Variants in CALCRL observed in about 807,000 individuals in gnomAD.
CALCRL encodes the protein calcitonin receptor like receptor, also known as calcitonin gene-related peptide type 1 receptor.
CALCRL carries 27 observed loss-of-function variants against 60.4 expected under a neutral mutation model. The observed-to-expected ratio is 0.45, with a 90% CI of 0.33 to 0.62. CALCRL has a LOEUF of 0.62. Ranked by LOEUF, CALCRL falls within the 20% of genes least tolerant of loss-of-function variation. The pLI, the probability that CALCRL is intolerant of heterozygous loss-of-function variation, is 0.03. For missense variants in CALCRL, 424 were observed against 540.7 expected, an observed-to-expected ratio of 0.78 and a Z score of 2.14; for synonymous variants, 190 against 182.6, an observed-to-expected ratio of 1.04 and a Z score of -0.33.
intron 1 of CALCRL, among the ~76,000 whole-genome samples, chr2:187,414,220 C>T (rs1025914818): frequency 3.3e-5 from 5 of 151,890 alleles, no homozygotes; most frequent in Admixed American, 6.6e-5. Context: ...ATTTGTAGGC[C>T]GGAAGCTTCT....
At chr2:187,422,628 T>C (rs1240697884) in intron 1 of CALCRL, among the ~76,000 whole-genome samples, 1 of 152,072 alleles carries the variant, frequency 6.6e-6, no homozygotes, top group African/African-American at 2.4e-5. Flanking sequence ...AAATTTGAAG[T>C]TCAACACATA....
chr2:187,359,587 C>G (rs544404582), intron 10 of CALCRL, among the ~76,000 whole-genome samples: 1 of 152,126 alleles, frequency 6.6e-6, no homozygotes, highest in South Asian at 2.1e-4. Context: ...AGAAGAAATT[C>G]AGCATTCGTG....
Position 187,380,716 on chromosome 2 carries a change from G to T in CALCRL, c.256C>A (p.Gln86Lys). ...NDVAAGTESM[Q>K]LCPDYFQDFD... Reference sequence around the variant, plus strand: ...TCCTGAAAGTAATCAGGGCAGAGCTGCATTGATTCAGTTCCTGCTGCAACA... The same window carrying T: ...TCCTGAAAGTAATCAGGGCAGAGCTTCATTGATTCAGTTCCTGCTGCAACA... Residue 86 changes from glutamine (Q) to lysine (K), a missense_variant, in exon 6 of 15, where the codon CAG (glutamine) becomes AAG (lysine). Physicochemically the swap from Gln to Lys is moderately conservative, Grantham distance 53 (BLOSUM62 1). Coordinates refer to ENST00000392370, the MANE Select transcript of CALCRL (RefSeq NM_005795.6). The T allele has an allele frequency of 1.9e-6, 3 of 1,614,102 alleles. No homozygotes were observed. The highest frequency in any genetic ancestry group is 2.5e-6 in the Non-Finnish European group (3 of 1,179,974).
At chr2:187,420,753 G>C (rs762003310) in intron 1 of CALCRL, among the ~76,000 whole-genome samples, 1 of 152,022 alleles carries the variant, frequency 6.6e-6, no homozygotes, top group Non-Finnish European at 1.5e-5. Flanking sequence ...GGAAGAAAGA[G>C]TAAATTTTTA....
rs1301466238 is a variant in CALCRL at position 187,357,947 on chromosome 2, AC to A, written c.909+1115del. Among the ~76,000 whole-genome samples the A allele has an allele frequency of 3.0e-4, 45 of 152,208 alleles. No individual in the cohort carries two copies. In the South Asian group the frequency reaches 8.1e-3, roughly 27 times the overall value. On this transcript the variant is annotated intron_variant, in intron 12 of 14. Transcript: ENST00000392370. ...CAGAACTTAAAGTATAACAACAACA[AC>A]AACAAAATGAATAGCAGCTGTAACT...
chr2:187,360,499 A>C, intron 10 of CALCRL, 99 bp downstream of exon 10: 7 of 1,002,492 alleles, frequency 7.0e-6, no homozygotes, highest in Non-Finnish European at 9.9e-6. Context: ...TTCTTTAAAA[A>C]TGATTACTCA....
At chr2:187,383,425 TGGCGCTCTAG>T in intron 4 of CALCRL, 120 bp from the exon 5 acceptor site, 1 of 753,110 alleles carries the variant, frequency 1.3e-6, no homozygotes, top group African/African-American at 1.8e-5. Context: ...GAAGATAAAC[TGGCGCTCTAG>T]GGAAAAAACC....
At chr2:187,424,311 TC>T (rs1255391048) in intron 1 of CALCRL, among the ~76,000 whole-genome samples, 2 of 152,010 alleles carry the variant, frequency 1.3e-5, no homozygotes, top group African/African-American at 4.8e-5. Context: ...TGTTGGGTTT[TC>T]CTTTGTGAGC....
intron 1 of CALCRL, among the ~76,000 whole-genome samples, chr2:187,423,553 CAAGATT>C (rs542510232): frequency 1.2e-4 from 18 of 151,868 alleles, no homozygotes; most frequent in Middle Eastern, 6.8e-3. Flanking sequence ...TAAGGTTTCC[CAAGATT>C]TAGAAAACTT....
At position 187,447,323 on chromosome 2, in the gene CALCRL, T is replaced by C. The variant is rs547973041; in HGVS notation, c.-293+716A>G. ...TCAAGTTGAAGTATTCTCTTAAAGATTTCAAAATTAAGAATTGTTTTAAAA... is the reference window on the plus strand; with the variant it reads ...TCAAGTTGAAGTATTCTCTTAAAGACTTCAAAATTAAGAATTGTTTTAAAA... On this transcript the variant is annotated intron_variant, in intron 1 of 14. Coordinates refer to ENST00000392370, the MANE Select transcript of CALCRL (RefSeq NM_005795.6). Among the ~76,000 whole-genome samples the C allele has an allele frequency of 2.6e-5, 4 of 152,028 alleles. No homozygotes were observed. The South Asian group carries it at 8.3e-4, about 32-fold the overall frequency.
chr2:187,362,977 T>C (rs185801319), intron 9 of CALCRL, among the ~76,000 whole-genome samples: 33 of 152,214 alleles, frequency 2.2e-4, no homozygotes, highest in Non-Finnish European at 3.8e-4. Context: ...TTGCTTTGAG[T>C]TTTTCATTTG....
intron 8 of CALCRL, among the ~76,000 whole-genome samples, chr2:187,377,168 G>A (rs878957476): frequency 6.6e-6 from 1 of 152,036 alleles, no homozygotes; most frequent in Admixed American, 6.6e-5. Context: ...AGCAAAGAAT[G>A]GCAAAATCAG....
chr2:187,407,611 T>G (rs1689191427), intron 1 of CALCRL, among the ~76,000 whole-genome samples: 2 of 152,104 alleles, frequency 1.3e-5, no homozygotes, highest in African/African-American at 4.8e-5. Flanking sequence ...TGACATTGAC[T>G]TTTATATTAC....
chr2:187,382,041 A>G (rs1471513524), intron 5 of CALCRL, among the ~76,000 whole-genome samples: 2 of 152,204 alleles, frequency 1.3e-5, no homozygotes, highest in Non-Finnish European at 2.9e-5. Context: ...CTATTAGAAA[A>G]AAATTTCTTG....
intron 1 of CALCRL, among the ~76,000 whole-genome samples, chr2:187,397,229 CTG>C (rs372946612): frequency 2.6e-5 from 4 of 151,580 alleles, no homozygotes; most frequent in African/African-American, 9.7e-5. Flanking sequence ...GGAAAACTGA[CTG>C]TATTTCAAGG....
intron 12 of CALCRL, among the ~76,000 whole-genome samples, chr2:187,354,210 A>G (rs858749): frequency 0.87 from 131,862 of 151,956 alleles, 57,433 homozygotes; most frequent in African/African-American, 0.91. Flanking sequence ...TAAAGTTTAC[A>G]TAGCTAGTAG....
At position 187,387,507 on chromosome 2, in the gene CALCRL, T is replaced by C. The variant is rs1215769370; in HGVS notation, c.-201-14A>G. 3 of 329,074 alleles carry C rather than the reference T, an allele frequency of 9.1e-6. No individual in the cohort carries two copies. Among genetic ancestry groups the C allele is most frequent in the Admixed American group, 4.8e-5 (1 of 20,694 alleles). The allele number at this position is 329,074 out of a possible 1,614,324, so 20.4% of individuals were successfully genotyped here. A position where few individuals can be genotyped will look rare whatever the true frequency, so the allele number is the denominator to read the frequency against. On this transcript the variant is annotated splice_polypyrimidine_tract_variant and intron_variant, in intron 2 of 14. Transcript: ENST00000392370. ...TTATTAGACGATCTTGAGAAAAATATAACCAAAATACCATGAATCATTGTA... is the reference window on the plus strand; with the variant it reads ...TTATTAGACGATCTTGAGAAAAATACAACCAAAATACCATGAATCATTGTA...
Position 187,343,906 on chromosome 2 carries a change from C to G in CALCRL, c.*2278G>C, listed in dbSNP as rs1410748576. 6 of 151,338 alleles carry G rather than the reference C, an allele frequency of 4.0e-5. No individual in the cohort carries two copies. The highest frequency in any genetic ancestry group is 1.5e-4 in the African/African-American group (6 of 41,318). 9.4% of individuals were successfully genotyped at this position (151,338 alleles called of 1,614,324 possible). A position where few individuals can be genotyped will look rare whatever the true frequency, so the allele number is the denominator to read the frequency against. ...CCTCAAGACTCTACAACAGACAAAC[C>G]CTGGCTATAAAATAAATCTGATCTA... On this transcript the variant is annotated 3_prime_UTR_variant, in exon 15 of 15. Coordinates refer to ENST00000392370, the MANE Select transcript of CALCRL (RefSeq NM_005795.6).
At chr2:187,411,708 G>A (rs1689366040) in intron 1 of CALCRL, among the ~76,000 whole-genome samples, 1 of 151,878 alleles carries the variant, frequency 6.6e-6, no homozygotes, top group Admixed American at 6.6e-5. Context: ...AGGGAAGTAG[G>A]GGGTGTAGTA....
Sources: gnomAD v4.1 joint callset for allele counts (sites outside exome capture counted in the v4.1 genomes callset) on GRCh38, gnomAD v4.1.1 for gene constraint, MANE v1.5 for transcripts, NCBI Gene and HGNC (gene_info 2026-07-23, HGNC 2026-07-21) for gene names.